IGSF3: variants seen among roughly 807,000 people sequenced by gnomAD.
IGSF3 encodes glu-Trp-Ile EWI motif-containing protein 3.
IGSF3 carries 23 observed loss-of-function variants against 114.4 expected under a neutral mutation model. The observed-to-expected ratio is 0.20, with a 90% CI of 0.14 to 0.28. The LOEUF is 0.28. IGSF3 is among the 10% of genes least tolerant of loss of function. The pLI, the probability that IGSF3 is intolerant of heterozygous loss-of-function variation, is 1.00. For missense variants in IGSF3, 1,172 were observed against 1,591.5 expected (o/e 0.74, Z 4.48); for synonymous variants, 571 against 645.2 (o/e 0.88, Z 1.74).
intron 4 of IGSF3, among the ~76,000 whole-genome samples, chr1:116,611,038 C>A (rs1661001101): frequency 6.6e-6 from 1 of 152,228 alleles, no homozygotes; most frequent in Non-Finnish European, 1.5e-5. Flanking sequence ...TGGACCCCTC[C>A]TTCCACTTGC....
At chr1:116,602,362 T>TA (rs113856068) in intron 6 of IGSF3, among the ~76,000 whole-genome samples, 69,926 of 145,108 alleles carry the variant, frequency 0.48, 17,466 homozygotes, top group African/African-American at 0.65. Context: ...CCAGGATGGT[T>TA]AAAAAAAAAA....
chr1:116,621,159 C>T (rs4044820), intron 2 of IGSF3, among the ~76,000 whole-genome samples: 4 of 152,140 alleles, frequency 2.6e-5, no homozygotes, highest in Admixed American at 2.0e-4. Flanking sequence ...GCTTTGGCCA[C>T]GTAAGGCGCG....
chr1:116,641,511 A>G (rs1430691152), intron 2 of IGSF3, among the ~76,000 whole-genome samples: 4 of 149,080 alleles, frequency 2.7e-5, no homozygotes, highest in Non-Finnish European at 5.9e-5. Flanking sequence ...AAAAAAAAAA[A>G]AAAAAAAAGA....
In IGSF3 at chr1:116,583,372, C is replaced by T. The variant is rs765196625; in HGVS notation, c.2848+1273G>A. Among the ~76,000 whole-genome samples the T allele has an allele frequency of 2.0e-5, 3 of 152,228 alleles. No individual in the cohort carries two copies. Among genetic ancestry groups the T allele is most frequent in the Middle Eastern group, 3.4e-3 (1 of 294 alleles). The stretch of plus-strand genomic sequence containing the variant: ...AAAAATATAAATAAGTAAAAGCTCA[C>T]GGAAAAATAGGAGTTAACTCAAAGT... On this transcript the variant is annotated intron_variant, in intron 9 of 10. Coordinates refer to ENST00000369486, the MANE Select transcript of IGSF3 (RefSeq NM_001007237.3). The surrounding 1 kb of genome is among the most constrained non-coding windows in gnomAD (Gnocchi z 4.5).
rs1659735449 is a variant in IGSF3, at chr1:116,584,591, T to C, written c.2848+54A>G. ...ATTTTATCCAGTGCATAAAACAGTATACTTAAATGGGAAACACCAGAGGGA... is the reference window on the plus strand; with the variant it reads ...ATTTTATCCAGTGCATAAAACAGTACACTTAAATGGGAAACACCAGAGGGA... On this transcript the variant is annotated intron_variant, in intron 9 of 10. Transcript: ENST00000369486. The surrounding 1 kb of genome is among the most constrained non-coding windows in gnomAD (Gnocchi z 5.8). 3.8e-6 allele frequency: 6 copies of C among 1,559,464 alleles called. No individual in the cohort carries two copies. The highest frequency in any genetic ancestry group is 1.7e-5 in the Admixed American group (1 of 59,764).
chr1:116,588,103 G>A lies in IGSF3; in HGVS notation c.2440+591C>T, dbSNP rs1005058045. On this transcript the variant is annotated intron_variant, in intron 8 of 10. Transcript: ENST00000369486. The surrounding 1 kb of genome is among the most constrained non-coding windows in gnomAD (Gnocchi z 4.9). ...CTGCCCAAAAATGGAACTGAGGCTTGCGGACTGAATAGCTCTCCCTCCCTG... is the reference window on the plus strand; with the variant it reads ...CTGCCCAAAAATGGAACTGAGGCTTACGGACTGAATAGCTCTCCCTCCCTG... Among the ~76,000 whole-genome samples the A allele has an allele frequency of 6.6e-6, 1 of 151,534 alleles. No homozygotes were observed. Among genetic ancestry groups the A allele is most frequent in the African/African-American group, 2.4e-5 (1 of 41,422 alleles).
intron 2 of IGSF3, among the ~76,000 whole-genome samples, chr1:116,619,193 T>G (rs538682845): frequency 6.6e-6 from 1 of 152,328 alleles, no homozygotes; most frequent in African/African-American, 2.4e-5. Context: ...GAAAGCTTCA[T>G]TCTCCTCCAG....
Position 116,612,447 on chromosome 1 carries a change from C to T in IGSF3, c.832+1318G>A, listed in dbSNP as rs1471708647. Among the ~76,000 whole-genome samples, 1 of 151,974 alleles carries T rather than the reference C, an allele frequency of 6.6e-6. No individual in the cohort carries two copies. Among genetic ancestry groups the T allele is most frequent in the African/African-American group, 2.4e-5 (1 of 41,402 alleles). On this transcript the variant is annotated intron_variant, in intron 4 of 10. Transcript: ENST00000369486. The surrounding 1 kb of genome is among the most constrained non-coding windows in gnomAD (Gnocchi z 4.1). ...GATAGCAGAAGAATCACCTGGGAAGCGTGCCGGAAATCCAGCTTCCCAGGT... is the reference window on the plus strand; with the variant it reads ...GATAGCAGAAGAATCACCTGGGAAGTGTGCCGGAAATCCAGCTTCCCAGGT...
intron 2 of IGSF3, among the ~76,000 whole-genome samples, chr1:116,639,303 G>C (rs1381257982): frequency 6.6e-6 from 1 of 152,212 alleles, no homozygotes; most frequent in Non-Finnish European, 1.5e-5. Flanking sequence ...GGTCTTAAAG[G>C]GTTTGTGTCT....
rs775946454 is a variant in IGSF3 at position 116,600,018 on chromosome 1, C to T, written c.1952G>A (p.Arg651Gln). 66 of 1,614,068 alleles carry T rather than the reference C, an allele frequency of 4.1e-5. No individual in the cohort carries two copies. The highest frequency in any genetic ancestry group is 9.3e-5 in the African/African-American group (7 of 74,912). Residue 651 changes from arginine to glutamine, a missense_variant, in exon 7 of 11, where the codon CGG becomes CAG. Arg to Gln is a conservative substitution (Grantham distance 43). Transcript: ENST00000369486. The surrounding 1 kb of genome is among the most constrained non-coding windows in gnomAD (Gnocchi z 5.5). ...CGTCCAGGTGTTGTTGTAGTTCTTCCGCCACAGCTCTGCCACACACTGGTA... is the reference window on the plus strand; with the variant it reads ...CGTCCAGGTGTTGTTGTAGTTCTTCTGCCACAGCTCTGCCACACACTGGTA... Reference protein sequence around the residue: ...GKYQCVAELWRKNYNNTWTRL... With the variant: ...GKYQCVAELWQKNYNNTWTRL...
chr1:116,613,661 T>C, intron 4 of IGSF3, 104 bp downstream of exon 4: 1 of 1,075,574 alleles, frequency 9.3e-7, no homozygotes, highest in South Asian at 1.5e-5. Flanking sequence ...GAAAACCTGC[T>C]GTCCTGGTAG....
Position 116,614,087 on chromosome 1 carries a change from G to A in IGSF3, c.510C>T (p.Ala170=), listed in dbSNP as rs746283565. The A allele has an allele frequency of 1.2e-6, 2 of 1,614,044 alleles. No homozygotes were observed. Among genetic ancestry groups the A allele is most frequent in the Non-Finnish European group, 1.7e-6 (2 of 1,180,038 alleles). The change falls in exon 4 of 11, where the codon GCC becomes GCT. Residue 170 remains alanine, a synonymous_variant. Coordinates refer to ENST00000369486, the MANE Select transcript of IGSF3 (RefSeq NM_001007237.3). The surrounding 1 kb of genome is among the most constrained non-coding windows in gnomAD (Gnocchi z 4.5). The part of the protein sequence containing the change: ...QDPLELTCEV[A]SETIQHSHLS... ...GGTGGCTGTGCTGAATGGTCTCTGAGGCCACCTCACAAGTGAGCTCCAGCG... is the reference window on the plus strand; with the variant it reads ...GGTGGCTGTGCTGAATGGTCTCTGAAGCCACCTCACAAGTGAGCTCCAGCG...
At chr1:116,630,831 G>A (rs575214764) in intron 2 of IGSF3, among the ~76,000 whole-genome samples, 1 of 152,324 alleles carries the variant, frequency 6.6e-6, no homozygotes, top group African/African-American at 2.4e-5. Flanking sequence ...ATCATGGTGG[G>A]GTGGGGAGGA....
rs780742377 is a variant in IGSF3 at position 116,600,174 on chromosome 1, G to A, written c.1796C>T (p.Thr599Ile). Residue 599 changes from threonine (T) to isoleucine (I), a missense_variant, in exon 7 of 11, where the codon ACC (threonine) becomes ATC (isoleucine). By Grantham distance (89) the Thr-to-Ile change is moderately conservative (BLOSUM62 -1). This residue lies in a region of IGSF3 where 736 missense variants were observed against 1,042.0 expected (regional missense o/e 0.71). Transcript: ENST00000369486. This position sits in a 1 kb window ranked among gnomAD's most constrained non-coding sequence, Gnocchi z 5.5. ...TVEFHDLVTFTRDGGVQWGDR... is the reference protein window; with the variant it reads ...TVEFHDLVTFIRDGGVQWGDR... ...CCCCCACTGGACCCCTCCGTCCCGG[G>A]TGAAGGTCACCAAGTCATGGAACTC... is the stretch of plus-strand genomic sequence containing the variant. 8 of 1,614,138 alleles carry A rather than the reference G, an allele frequency of 5.0e-6. No individual in the cohort carries two copies. In the South Asian group the frequency reaches 6.6e-5, roughly 13 times the overall value.
At chr1:116,637,110 G>C (rs950156990) in intron 2 of IGSF3, among the ~76,000 whole-genome samples, 5 of 152,184 alleles carry the variant, frequency 3.3e-5, no homozygotes, top group African/African-American at 1.2e-4. Context: ...AACGAGTCCA[G>C]CGCATGCAGA....
chr1:116,652,729 G>C (rs1290815084), intron 2 of IGSF3, among the ~76,000 whole-genome samples: 2 of 152,160 alleles, frequency 1.3e-5, no homozygotes, highest in Non-Finnish European at 2.9e-5. Context: ...GATTAACCTG[G>C]TATCATTCAA....
chr1:116,663,990 A>T (rs1649227003), intron 2 of IGSF3, among the ~76,000 whole-genome samples: 2 of 152,236 alleles, frequency 1.3e-5, no homozygotes, highest in South Asian at 4.1e-4. Context: ...ACCAGACCAC[A>T]TCAGAAGACA....
rs1272857639 is a variant in IGSF3 at position 116,638,733 on chromosome 1, C to G, written c.44-22276G>C. On this transcript the variant is annotated intron_variant, in intron 2 of 10. Transcript: ENST00000369486. This position sits in a 1 kb window ranked among gnomAD's most constrained non-coding sequence, Gnocchi z 4.1. The stretch of plus-strand genomic sequence containing the variant: ...AGAGAAAGGGAAGAAATGGGGAAAA[C>G]AGCAATAGGACCAGCTAACTCCTAC... 6.6e-6 allele frequency among the ~76,000 whole-genome samples: 1 copy of G among 152,182 alleles called. No individual in the cohort carries two copies. The highest frequency in any genetic ancestry group is 6.5e-5 in the Admixed American group (1 of 15,278).
intron 5 of IGSF3, among the ~76,000 whole-genome samples, chr1:116,604,816 A>G (rs1197588611): frequency 3.9e-5 from 6 of 152,186 alleles, no homozygotes; most frequent in Admixed American, 2.0e-4. Context: ...TCACTTAACT[A>G]TCTGAATTCA....
Sources: gnomAD v4.1 joint callset for allele counts (sites outside exome capture counted in the v4.1 genomes callset) on GRCh38, gnomAD v4.1.1 for gene constraint, gnomAD v4.1.1 regional missense constraint, Gnocchi (gnomAD v3.1) non-coding constraint, MANE v1.5 for transcripts, NCBI Gene and HGNC (gene_info 2026-07-23, HGNC 2026-07-21) for gene names.